The following UBE2E2 variants were observed in gnomAD, a reference collection of about 807,000 sequenced individuals.
UBE2E2 encodes the protein ubiquitin conjugating enzyme E2 E2, also known as ubiquitin-conjugating enzyme E2 E2.
A neutral mutation model predicts 24.7 loss-of-function variants in UBE2E2; 6 were observed. The observed-to-expected ratio is 0.24, with a 90% confidence interval of 0.13 to 0.48. UBE2E2 has a LOEUF of 0.48. Among genes scored for constraint, UBE2E2 ranks in the 20% least tolerant of loss-of-function variants. UBE2E2 has a pLI of 0.99. For synonymous variants in UBE2E2, 104 were observed against 83.6 expected, an observed-to-expected ratio of 1.24 and a Z score of -1.33; for missense variants, 169 against 245.0, an observed-to-expected ratio of 0.69 and a Z score of 2.07.
At chr3:23,252,253 C>G (rs1321066197) in intron 3 of UBE2E2, among the ~76,000 whole-genome samples, 1 of 152,036 alleles carries the variant, frequency 6.6e-6, no homozygotes, top group Non-Finnish European at 1.5e-5. Context: ...AAAGTTGTTG[C>G]ATCTATGAAC....
intron 3 of UBE2E2, among the ~76,000 whole-genome samples, chr3:23,227,661 G>A (rs769624225): frequency 2.8e-4 from 42 of 152,066 alleles, no homozygotes; most frequent in Admixed American, 2.8e-3. Flanking sequence ...ACTTTTTGAA[G>A]ACAAAAAACT....
intron 3 of UBE2E2, among the ~76,000 whole-genome samples, chr3:23,345,533 G>A (rs895471743): frequency 1.3e-5 from 2 of 152,036 alleles, no homozygotes; most frequent in Non-Finnish European, 1.5e-5. Context: ...TAAGTATTAC[G>A]TACTTAAGAA....
chr3:23,291,638 A>G (rs1698766749), intron 3 of UBE2E2, among the ~76,000 whole-genome samples: 1 of 150,540 alleles, frequency 6.6e-6, no homozygotes, highest in African/African-American at 2.4e-5. Flanking sequence ...AAATAAAACA[A>G]TGTAATCAGG....
At chr3:23,548,557 TTTGCGGTGTATTC>T (rs1006231470) in intron 5 of UBE2E2, among the ~76,000 whole-genome samples, 2 of 152,164 alleles carry the variant, frequency 1.3e-5, no homozygotes, top group Non-Finnish European at 2.9e-5. Context: ...AAGACAGAAC[TTTGCGGTGTATTC>T]TTGGTTGTTC....
At chr3:23,383,404 A>G (rs1312565356) in intron 3 of UBE2E2, among the ~76,000 whole-genome samples, 1 of 152,154 alleles carries the variant, frequency 6.6e-6, no homozygotes, top group African/African-American at 2.4e-5. Context: ...AGAGAAGTAG[A>G]CGAAATCAAC....
At chr3:23,303,331 A>G (rs978674723) in intron 3 of UBE2E2, among the ~76,000 whole-genome samples, 2 of 152,278 alleles carry the variant, frequency 1.3e-5, no homozygotes, top group East Asian at 1.9e-4. Context: ...GTGCACAACA[A>G]CTATAATGAG....
intron 5 of UBE2E2, among the ~76,000 whole-genome samples, chr3:23,588,948 A>T (rs1305363916): frequency 2.6e-5 from 4 of 152,044 alleles, no homozygotes; most frequent in African/African-American, 9.7e-5. Context: ...CCCTCTTTTG[A>T]CTGTCCAGCT....
intron 3 of UBE2E2, among the ~76,000 whole-genome samples, chr3:23,328,883 A>T (rs529432195): frequency 6.6e-6 from 1 of 152,242 alleles, no homozygotes; most frequent in East Asian, 1.9e-4. Context: ...GCTGGTCTCG[A>T]ACGCCTGACC....
At chr3:23,311,259 G>T (rs1455988710) in intron 3 of UBE2E2, among the ~76,000 whole-genome samples, 1 of 152,158 alleles carries the variant, frequency 6.6e-6, no homozygotes, top group Non-Finnish European at 1.5e-5. Flanking sequence ...GTCTATCATT[G>T]ATGGACATTT....
chr3:23,581,138 A>G (rs1696467894), intron 5 of UBE2E2, among the ~76,000 whole-genome samples: 1 of 152,026 alleles, frequency 6.6e-6, no homozygotes, highest in South Asian at 2.1e-4. Context: ...TGGCACAACC[A>G]TAGCTCCCCA....
intron 3 of UBE2E2, among the ~76,000 whole-genome samples, chr3:23,443,672 G>C (rs1420595087): frequency 6.6e-6 from 1 of 152,210 alleles, no homozygotes; most frequent in Non-Finnish European, 1.5e-5. Flanking sequence ...ACTGTCAGAT[G>C]TACCTATGTG....
rs1460907740 is a variant in UBE2E2 at position 23,312,608 on chromosome 3, C to A, written c.227+95296C>A. Among the ~76,000 whole-genome samples the A allele has an allele frequency of 5.9e-5, 9 of 151,862 alleles. No individual in the cohort carries two copies. In the East Asian group the frequency reaches 1.7e-3, roughly 29 times the overall value. On this transcript the variant is annotated intron_variant, in intron 3 of 5. Coordinates refer to ENST00000396703, the MANE Select transcript of UBE2E2 (RefSeq NM_152653.4). ...GTTTTGTTGATTTTTTATATTGTTT[C>A]TTTTGTTTTGATTTCATTTATTTCT...
At chr3:23,585,436 G>A (rs1696605099) in intron 5 of UBE2E2, among the ~76,000 whole-genome samples, 1 of 150,582 alleles carries the variant, frequency 6.6e-6, no homozygotes, top group Non-Finnish European at 1.5e-5. Context: ...TTAGAGGAAA[G>A]CTTTGTATAC....
chr3:23,284,132 T>C (rs1027427350), intron 3 of UBE2E2, among the ~76,000 whole-genome samples: 1 of 152,156 alleles, frequency 6.6e-6, no homozygotes, highest in African/African-American at 2.4e-5. Context: ...TTTTTTTAAC[T>C]ACTAAATTTG....
intron 3 of UBE2E2, among the ~76,000 whole-genome samples, chr3:23,450,370 TTTAATTTTAA>T (rs1353444019): frequency 2.6e-5 from 4 of 152,160 alleles, no homozygotes; most frequent in East Asian, 3.8e-4. Flanking sequence ...AACTGAAGAA[TTTAATTTTAA>T]TTAATTTTAA....
chr3:23,256,407 G>A (rs993133578), intron 3 of UBE2E2, among the ~76,000 whole-genome samples: 7 of 152,166 alleles, frequency 4.6e-5, no homozygotes, highest in Admixed American at 2.6e-4. Context: ...AGGATACTCC[G>A]TAACAAAGTA....
intron 3 of UBE2E2, among the ~76,000 whole-genome samples, chr3:23,460,199 A>G (rs1379187987): frequency 6.6e-6 from 1 of 152,212 alleles, no homozygotes; most frequent in Non-Finnish European, 1.5e-5. Context: ...CTGGCACAGA[A>G]TTGGAGTTAG....
At chr3:23,210,598 A>C (rs79433447) in intron 2 of UBE2E2, among the ~76,000 whole-genome samples, 4,367 of 152,284 alleles carry the variant, frequency 0.029, 108 homozygotes, top group East Asian at 0.13. Context: ...GATAGATTTC[A>C]CGAGGGAAAA....
intron 3 of UBE2E2, among the ~76,000 whole-genome samples, chr3:23,378,918 A>G (rs936805290): frequency 6.6e-6 from 1 of 152,172 alleles, no homozygotes. Context: ...TTCTTTGTCA[A>G]ATCTCTATAA....
Sources: gnomAD v4.1 joint callset for allele counts (sites outside exome capture counted in the v4.1 genomes callset) on GRCh38, gnomAD v4.1.1 for gene constraint, MANE v1.5 for transcripts, NCBI Gene and HGNC (gene_info 2026-07-23, HGNC 2026-07-21) for gene names.